SAMD3: variants seen among roughly 807,000 people sequenced by gnomAD.
SAMD3 encodes sterile alpha motif domain-containing protein 3.
A neutral mutation model predicts 58.5 loss-of-function variants in SAMD3; 63 were observed. That is an observed-to-expected ratio of 1.08 (90% CI 0.88 to 1.33). The LOEUF is 1.33. SAMD3 is among the 40% of genes most tolerant of loss of function. SAMD3 has a pLI of 0.00. For missense variants in SAMD3, 604 were observed against 608.4 expected (o/e 0.99, Z 0.08); for synonymous variants, 220 against 210.3 (o/e 1.05, Z -0.40).
intron 2 of SAMD3, among the ~76,000 whole-genome samples, chr6:130,278,051 A>T (rs1190050641): frequency 6.6e-6 from 1 of 152,178 alleles, no homozygotes; most frequent in Non-Finnish European, 1.5e-5. Context: ...AAACTCCCCA[A>T]ATTGCTGCTG....
At chr6:130,280,368 C>T (rs1465853313) in intron 2 of SAMD3, among the ~76,000 whole-genome samples, 2 of 152,166 alleles carry the variant, frequency 1.3e-5, no homozygotes, top group Non-Finnish European at 2.9e-5. Flanking sequence ...ATTCCCAAAC[C>T]TTCTTCCTGG....
chr6:130,169,590 A>T (rs1336349055), intron 8 of SAMD3, among the ~76,000 whole-genome samples: 1 of 152,224 alleles, frequency 6.6e-6, no homozygotes, highest in Non-Finnish European at 1.5e-5. Flanking sequence ...TGCTAACCCC[A>T]ATACATTCAA....
intron 2 of SAMD3, among the ~76,000 whole-genome samples, chr6:130,236,966 T>C (rs73603966): frequency 0.012 from 1,859 of 152,260 alleles, 27 homozygotes; most frequent in African/African-American, 0.042. Flanking sequence ...ATCAATAAAA[T>C]ATTGCCCAAT....
intron 1 of SAMD3, among the ~76,000 whole-genome samples, chr6:130,350,040 C>G (rs1232733427): frequency 6.6e-6 from 1 of 152,288 alleles, no homozygotes; most frequent in South Asian, 2.1e-4. Context: ...ACTAAAAACT[C>G]TCAATAAATT....
intron 11 of SAMD3, 84 bp downstream of exon 11, chr6:130,145,256 T>G: frequency 1.5e-6 from 1 of 674,708 alleles, no homozygotes; most frequent in Middle Eastern, 4.7e-4. Flanking sequence ...AGACTCCATC[T>G]CAAAAATATA....
chr6:130,244,316 G>A (rs561039759), intron 2 of SAMD3, among the ~76,000 whole-genome samples: 43 of 152,312 alleles, frequency 2.8e-4, no homozygotes, highest in Admixed American at 1.2e-3. Context: ...TTAGGAAGGC[G>A]TCAAGTGTGT....
At chr6:130,238,989 T>C (rs2114890945) in intron 2 of SAMD3, among the ~76,000 whole-genome samples, 2 of 152,222 alleles carry the variant, frequency 1.3e-5, no homozygotes, top group South Asian at 4.1e-4. Flanking sequence ...AAACTCCTGA[T>C]CTCAAGTCAT....
At position 130,209,564 on chromosome 6, in the gene SAMD3, T is replaced by C. The variant is rs1795358278; in HGVS notation, c.314A>G (p.Gln105Arg). The change falls in exon 5 of 12, where the codon CAG (glutamine) becomes CGG (arginine). Residue 105 changes from glutamine to arginine, a missense_variant. By Grantham distance (43) the Gln-to-Arg change is conservative. Coordinates refer to ENST00000439090, the MANE Select transcript of SAMD3 (RefSeq NM_001017373.4). ...TTCAGCTGGATAGAAAGATGGCATCTGCTCCCCATGCCTGGCTGGACTGGA... is the reference window on the plus strand; with the variant it reads ...TTCAGCTGGATAGAAAGATGGCATCCGCTCCCCATGCCTGGCTGGACTGGA... ...ESSSPARHGE[Q>R]MPSFYPAENL... 1 of 1,613,834 alleles carries C rather than the reference T, an allele frequency of 6.2e-7. No homozygotes were observed. The highest frequency in any genetic ancestry group is 1.3e-5 in the African/African-American group (1 of 74,938).
intron 1 of SAMD3, among the ~76,000 whole-genome samples, chr6:130,355,249 C>A (rs1397720070): frequency 1.3e-5 from 2 of 152,098 alleles, no homozygotes; most frequent in African/African-American, 4.8e-5. Context: ...CATGGTGAAA[C>A]CCCGTCTCTA....
intron 1 of SAMD3, among the ~76,000 whole-genome samples, chr6:130,323,181 C>G (rs1408129602): frequency 6.6e-6 from 1 of 152,110 alleles, no homozygotes; most frequent in Non-Finnish European, 1.5e-5. Context: ...AAAATAGAGA[C>G]AAGTGAGAGA....
chr6:130,320,652 AAC>A (rs1468869680), intron 1 of SAMD3, among the ~76,000 whole-genome samples: 3 of 152,240 alleles, frequency 2.0e-5, no homozygotes, highest in Non-Finnish European at 4.4e-5. Context: ...TGAATAGATT[AAC>A]AGTGTTACAA....
At chr6:130,289,455 G>A (rs1048537971) in intron 2 of SAMD3, among the ~76,000 whole-genome samples, 3 of 151,528 alleles carry the variant, frequency 2.0e-5, no homozygotes, top group Admixed American at 6.6e-5. Flanking sequence ...TCTGATAAGC[G>A]GCACTTATTT....
At chr6:130,214,647 A>C in intron 3 of SAMD3, 121 bp from the exon 4 acceptor site, 1 of 609,378 alleles carries the variant, frequency 1.6e-6, no homozygotes, top group South Asian at 3.4e-5. Context: ...TGACATTATA[A>C]ATTTATCCAT....
chr6:130,151,693 G>A (rs1358613152), intron 9 of SAMD3, among the ~76,000 whole-genome samples: 4 of 151,880 alleles, frequency 2.6e-5, no homozygotes, highest in South Asian at 2.1e-4. Context: ...TGCCCGCCTC[G>A]GCCTCCCAAA....
intron 4 of SAMD3, among the ~76,000 whole-genome samples, chr6:130,212,157 T>C (rs941257774): frequency 1.3e-5 from 2 of 151,986 alleles, no homozygotes; most frequent in Non-Finnish European, 2.9e-5. Context: ...AAACAGCATA[T>C]TCTCATGCCT....
At chr6:130,254,348 C>T (rs1773852912) in intron 2 of SAMD3, among the ~76,000 whole-genome samples, 2 of 151,966 alleles carry the variant, frequency 1.3e-5, no homozygotes, top group Non-Finnish European at 2.9e-5. Flanking sequence ...TGCCCTGCCA[C>T]CACACCTGGC....
At chr6:130,364,132 A>G (rs905042189) in intron 1 of SAMD3, among the ~76,000 whole-genome samples, 2 of 152,176 alleles carry the variant, frequency 1.3e-5, no homozygotes, top group African/African-American at 4.8e-5. Context: ...AGAAATCTAA[A>G]TAATTCCCTT....
At chr6:130,215,590 A>T in intron 2 of SAMD3, 1 of 1,358,164 alleles carries the variant, frequency 7.4e-7, no homozygotes, top group Non-Finnish European at 9.4e-7. Flanking sequence ...ACAGCCAGGG[A>T]CATACAATGG....
intron 6 of SAMD3, 90 bp downstream of exon 6, chr6:130,184,338 TATCATCCACA>T (rs1244851767): frequency 1.4e-5 from 17 of 1,257,488 alleles, no homozygotes; most frequent in Non-Finnish European, 1.8e-5. Flanking sequence ...ATTACCAATA[TATCATCCACA>T]ATCTGAAGAG....
Sources: allele counts gnomAD v4.1 joint callset (sites outside exome capture counted in the v4.1 genomes callset), GRCh38; gene constraint gnomAD v4.1.1; transcripts MANE v1.5; gene names NCBI Gene and HGNC (gene_info 2026-07-23, HGNC 2026-07-21).